Variants in TNRC6A observed in about 807,000 individuals in gnomAD.
TNRC6A encodes the protein trinucleotide repeat-containing gene 6A protein.
TNRC6A carries 44 observed loss-of-function variants against 221.2 expected under a neutral mutation model. The observed-to-expected ratio is 0.20, with a 90% CI of 0.16 to 0.26. The LOEUF is 0.26. Ranked by LOEUF, TNRC6A falls within the 10% of genes least tolerant of loss-of-function variation. The probability of loss-of-function intolerance (pLI) is 1.00; values close to 1 mark genes in which losing one functional copy is unlikely to be tolerated. For synonymous variants in TNRC6A, 847 were observed against 838.5 expected, an observed-to-expected ratio of 1.01 and a Z score of -0.18; for missense variants, 2,199 against 2,404.4, an observed-to-expected ratio of 0.91 and a Z score of 1.79.
At chr16:24,730,139 C>T (rs1263595952) in intron 1 of TNRC6A, 114 bp from the exon 2 acceptor site, 10 of 1,034,962 alleles carry the variant, frequency 9.7e-6, no homozygotes, top group Middle Eastern at 3.1e-4. Context: ...CGTCCTCTCC[C>T]CTCCCCCATC....
intron 1 of TNRC6A, among the ~76,000 whole-genome samples, chr16:24,619,952 G>A (rs1383698026): frequency 6.6e-6 from 1 of 151,992 alleles, no homozygotes; most frequent in Non-Finnish European, 1.5e-5. Flanking sequence ...GACCAGCCTG[G>A]GCAACAAAGC....
At chr16:24,619,243 A>C (rs1900539729) in intron 1 of TNRC6A, among the ~76,000 whole-genome samples, 1 of 152,188 alleles carries the variant, frequency 6.6e-6, no homozygotes, top group African/African-American at 2.4e-5. Flanking sequence ...AATTTAGAAA[A>C]TTCACCTATT....
At chr16:24,751,108 A>G (rs1232749246) in intron 3 of TNRC6A, among the ~76,000 whole-genome samples, 2 of 152,310 alleles carry the variant, frequency 1.3e-5, no homozygotes, top group Non-Finnish European at 2.9e-5. Context: ...AAGTGGGAAG[A>G]GCATGGAATT....
chr16:24,801,690 G>T, intron 11 of TNRC6A, among the ~76,000 whole-genome samples: 1 of 152,066 alleles, frequency 6.6e-6, no homozygotes. Context: ...GGGTTTCACC[G>T]TGTTGGCCAA....
intron 2 of TNRC6A, among the ~76,000 whole-genome samples, chr16:24,648,040 A>C (rs1902386306): frequency 6.6e-6 from 1 of 152,162 alleles, no homozygotes; most frequent in African/African-American, 2.4e-5. Context: ...TATTGTAACA[A>C]GTGTCAGAAT....
At chr16:24,771,582 TTGTTATGTTATGTTA>T (rs10625690) in intron 4 of TNRC6A, among the ~76,000 whole-genome samples, 1 of 95,480 alleles carries the variant, frequency 1.0e-5, no homozygotes. Context: ...TTATGTTATG[TTGTTATGTTATGTTA>T]TGTTATGTTA....
intron 1 of TNRC6A, among the ~76,000 whole-genome samples, chr16:24,639,274 C>T (rs570953370): frequency 2.0e-5 from 3 of 152,214 alleles, no homozygotes; most frequent in African/African-American, 7.2e-5. Flanking sequence ...TATGTGAAGC[C>T]AGGAGTTCGA....
chr16:24,735,092 G>A (rs1485049060), intron 2 of TNRC6A, among the ~76,000 whole-genome samples: 2 of 152,156 alleles, frequency 1.3e-5, no homozygotes, highest in Non-Finnish European at 1.5e-5. Context: ...GACCAGCTTG[G>A]CCAACATGGT....
chr16:24,804,150 T>G (rs1185209557), intron 11 of TNRC6A, 27 bp from the exon 12 acceptor site: 1 of 1,564,448 alleles, frequency 6.4e-7, no homozygotes, highest in Non-Finnish European at 8.6e-7. Context: ...GTCTTCCTGT[T>G]TGATAACAGT....
rs1166138434 is a variant in TNRC6A, at chr16:24,791,732, C to T, written c.3090C>T (p.Asn1030=). The change falls in exon 6 of 25, where the codon AAC becomes AAT. Residue 1030 remains asparagine, a synonymous_variant. Coordinates refer to ENST00000395799, the MANE Select transcript of TNRC6A (RefSeq NM_014494.4). ...GGAACAAAAACGTCCCAAATGGCAA[C>T]AGCCGTTCAGACCAGCAAGCACAGG... is the stretch of plus-strand genomic sequence containing the variant. ...NMWNKNVPNG[N]SRSDQQAQVH... is the part of the protein sequence containing the mutation. 6 of 1,613,022 alleles carry T rather than the reference C, an allele frequency of 3.7e-6. No homozygotes were observed. In the South Asian group the frequency reaches 5.5e-5, roughly 15 times the overall value.
At chr16:24,822,219 G>A in intron 23 of TNRC6A, 72 bp downstream of exon 23, 1 of 1,461,048 alleles carries the variant, frequency 6.8e-7, no homozygotes, top group Non-Finnish European at 9.6e-7. Context: ...GGGTCTGTAT[G>A]TGAGACAAGG....
At chr16:24,622,848 A>C (rs1379048563) in intron 1 of TNRC6A, among the ~76,000 whole-genome samples, 1 of 152,216 alleles carries the variant, frequency 6.6e-6, no homozygotes, top group Non-Finnish European at 1.5e-5. Context: ...ATTATATTTT[A>C]CAGTTGAGTG....
intron 3 of TNRC6A, among the ~76,000 whole-genome samples, chr16:24,752,631 T>C (rs994521549): frequency 2.6e-5 from 4 of 152,234 alleles, no homozygotes; most frequent in Admixed American, 1.3e-4. Flanking sequence ...GAAAGTTGTG[T>C]CCTCTGTAAG....
intron 5 of TNRC6A, among the ~76,000 whole-genome samples, chr16:24,781,383 A>G (rs2057842473): frequency 1.3e-5 from 2 of 152,072 alleles, no homozygotes; most frequent in Non-Finnish European, 2.9e-5. Context: ...TTTTGAGGCT[A>G]TTACAGAATT....
chr16:24,810,974 T>A (rs1160101555), intron 18 of TNRC6A, among the ~76,000 whole-genome samples: 1 of 150,742 alleles, frequency 6.6e-6, no homozygotes, highest in Admixed American at 6.6e-5. Context: ...CTAGTCAGTC[T>A]CCAGCCCTCT....
intron 2 of TNRC6A, among the ~76,000 whole-genome samples, chr16:24,714,572 T>C (rs1019394585): frequency 6.6e-6 from 1 of 152,102 alleles, no homozygotes; most frequent in Non-Finnish European, 1.5e-5. Flanking sequence ...CCCAAAGTGC[T>C]GGGATTACAG....
intron 2 of TNRC6A, among the ~76,000 whole-genome samples, chr16:24,706,744 AT>A (rs2056101504): frequency 6.6e-6 from 1 of 151,492 alleles, no homozygotes; most frequent in Non-Finnish European, 1.5e-5. Context: ...AGAAAAGCAG[AT>A]TAATGAAGCA....
chr16:24,700,381 G>A (rs769791488), intron 2 of TNRC6A, among the ~76,000 whole-genome samples: 11 of 151,956 alleles, frequency 7.2e-5, no homozygotes, highest in South Asian at 2.1e-4. Flanking sequence ...GACTACAGAC[G>A]CATGCCACCA....
intron 2 of TNRC6A, among the ~76,000 whole-genome samples, chr16:24,655,452 G>A (rs2054890184): frequency 1.3e-5 from 2 of 152,148 alleles, no homozygotes; most frequent in Non-Finnish European, 2.9e-5. Context: ...ACTTTGGGAG[G>A]CCAAGGCGTG....
Sources: gnomAD v4.1 joint callset for allele counts (sites outside exome capture counted in the v4.1 genomes callset) on GRCh38, gnomAD v4.1.1 for gene constraint, MANE v1.5 for transcripts, NCBI Gene and HGNC (gene_info 2026-07-23, HGNC 2026-07-21) for gene names.